Variants in NR1H3 observed in about 807,000 individuals in gnomAD.
NR1H3 encodes oxysterols receptor LXR-alpha.
Under a neutral mutation model 48.1 loss-of-function variants are expected in NR1H3, and 19 were observed. The ratio of observed to expected loss-of-function variants is 0.40; its 90% CI spans 0.28 to 0.58. The LOEUF (loss-of-function observed/expected upper bound fraction) is 0.58, where lower values mean the gene tolerates loss of function less well. NR1H3 is among the 20% of genes least tolerant of loss of function. The pLI, the probability that NR1H3 is intolerant of heterozygous loss-of-function variation, is 0.50. For missense variants in NR1H3, 486 were observed against 595.9 expected (o/e 0.82, Z 1.92); for synonymous variants, 232 against 227.3 (o/e 1.02, Z -0.19).
At chr11:47,268,456 G>T (rs1957443779) in intron 9 of NR1H3, 94 bp from the exon 10 acceptor site, 1 of 1,582,642 alleles carries the variant, frequency 6.3e-7, no homozygotes, top group Non-Finnish European at 8.7e-7. Flanking sequence ...ACTGCATGCT[G>T]TGCAGACAAT....
At chr11:47,252,956 A>G (rs1290235139) in intron 1 of NR1H3, among the ~76,000 whole-genome samples, 1 of 108,634 alleles carries the variant, frequency 9.2e-6, no homozygotes, top group Non-Finnish European at 1.9e-5. Flanking sequence ...CTAAACTTGT[A>G]TTCTTTTTTT....
At position 47,261,274 on chromosome 11, in the gene NR1H3, A is replaced by C. The variant is rs1470808330; in HGVS notation, c.533A>C (p.Lys178Thr). ...VLSEEQIRLK[K>T]LKRQEEEQAH... ...TCAGAAGAACAGATCCGCCTGAAGA[A>C]ACTGAAGCGGCAAGAGGAGGAACAG... The change falls in exon 5 of 10, where the codon AAA (lysine) becomes ACA (threonine). Residue 178 changes from lysine (K) to threonine (T), a missense_variant. By Grantham distance (78) the Lys-to-Thr change is moderately conservative. Coordinates refer to ENST00000441012, the MANE Select transcript of NR1H3 (RefSeq NM_005693.4). The C allele has an allele frequency of 2.5e-6, 4 of 1,613,668 alleles. No homozygotes were observed. In the African/African-American group the frequency reaches 5.3e-5, roughly 22 times the overall value.
In NR1H3 at chr11:47,259,167, G is replaced by A. The variant is rs762104114; in HGVS notation, c.-37-13G>A. The stretch of plus-strand genomic sequence containing the variant: ...CCAGTTCTAGAAGAGTATAATCTGG[G>A]TCCTTCCTGCAGGACAGTGCCTTGG... On this transcript the variant is annotated splice_polypyrimidine_tract_variant and intron_variant, in intron 1 of 9. Coordinates refer to ENST00000441012, the MANE Select transcript of NR1H3 (RefSeq NM_005693.4). 1.9e-6 allele frequency: 3 copies of A among 1,613,962 alleles called. No individual in the cohort carries two copies. The highest frequency in any genetic ancestry group is 3.3e-5 in the Admixed American group (2 of 60,004).
chr11:47,268,233 GCTC>G, intron 8 of NR1H3, 25 bp from the exon 9 acceptor site: 1 of 1,607,014 alleles, frequency 6.2e-7, no homozygotes, highest in Non-Finnish European at 8.5e-7. Flanking sequence ...GGCCAGACCT[GCTC>G]CTCAACTCTC....
At position 47,267,995 on chromosome 11, in the gene NR1H3, C is replaced by T. The variant is rs755627128; in HGVS notation, c.1071C>T (p.Ala357=). ...TGCAACTCAATGATGCCGAGTTTGC[C>T]TTGCTCATTGCTATCAGCATCTTCT... ...NELQLNDAEF[A]LLIAISIFSA... The change falls in exon 8 of 10, where the codon GCC becomes GCT. Residue 357 remains alanine (A), a synonymous_variant. Coordinates refer to ENST00000441012, the MANE Select transcript of NR1H3 (RefSeq NM_005693.4). 2.1e-5 allele frequency: 34 copies of T among 1,613,930 alleles called. 1 individual carries two copies. In the Middle Eastern group the frequency reaches 5.4e-3, roughly 255 times the overall value.
intron 4 of NR1H3, 45 bp downstream of exon 4, chr11:47,260,720 G>A (rs1193083338): frequency 1.3e-6 from 2 of 1,544,226 alleles, no homozygotes; most frequent in African/African-American, 1.4e-5. Flanking sequence ...AGGGGAAAGA[G>A]GGGGCCAGGG....
At chr11:47,248,861 A>G (rs1954354478), upstream of NR1H3, 3 of 1,550,924 alleles carry the variant, frequency 1.9e-6, no homozygotes, top group Non-Finnish European at 2.6e-6. Context: ...GCCCGGACGC[A>G]CCCGTAAGGA....
chr11:47,255,586 T>TC (rs1491325337), upstream of NR1H3, among the ~76,000 whole-genome samples: 24 of 89,026 alleles, frequency 2.7e-4, no homozygotes, highest in African/African-American at 1.0e-3. Context: ...TCTTTCTTTC[T>TC]TTCTTTCTTT....
upstream of NR1H3, chr11:47,248,785 G>A (rs745331375): frequency 6.3e-7 from 1 of 1,593,172 alleles, no homozygotes; most frequent in Non-Finnish European, 8.5e-7. Flanking sequence ...CCGCTTGCCC[G>A]CCATCACCGT....
intron 9 of NR1H3, 94 bp downstream of exon 9, chr11:47,268,449 G>C (rs1488830776): frequency 6.3e-7 from 1 of 1,584,014 alleles, no homozygotes; most frequent in Non-Finnish European, 8.7e-7. Flanking sequence ...CTCTCTGACT[G>C]CATGCTGTGC....
intron 7 of NR1H3, among the ~76,000 whole-genome samples, chr11:47,266,651 T>TC (rs1956510366): frequency 6.6e-6 from 1 of 151,142 alleles, no homozygotes; most frequent in South Asian, 2.1e-4. Flanking sequence ...TTTTTCTTTT[T>TC]TTTTTTTTGA....
At chr11:47,259,395 C>G (rs1955574382) in intron 2 of NR1H3, 136 bp downstream of exon 2, 1 of 1,585,534 alleles carries the variant, frequency 6.3e-7, no homozygotes, top group Non-Finnish European at 8.6e-7. Flanking sequence ...TCGTGCTTGC[C>G]TCCCGCCCAG....
Position 47,260,490 on chromosome 11 carries a change from C to T in NR1H3, c.314C>T (p.Ala105Val), listed in dbSNP as rs1386447864. 4 of 1,614,148 alleles carry T rather than the reference C, an allele frequency of 2.5e-6. No homozygotes were observed. The Admixed American group carries it at 5.0e-5, about 20-fold the overall frequency. ...CTATGCAGCGTGTGTGGGGACAAGG[C>T]CTCGGGCTTCCACTACAATGTTCTG... ...NELCSVCGDKASGFHYNVLSC... is the reference protein window; with the variant it reads ...NELCSVCGDKVSGFHYNVLSC... The change falls in exon 4 of 10, where the codon GCC becomes GTC. Residue 105 changes from alanine to valine, a missense_variant. Ala to Val is a moderately conservative substitution (Grantham distance 64, BLOSUM62 0). Transcript: ENST00000441012.
At position 47,259,235 on chromosome 11, in the gene NR1H3, G is replaced by C; in HGVS notation, c.19G>C (p.Ala7Pro). Reference protein sequence around the residue: MSLWLGAPVPDIPPDSA... With the variant: MSLWLGPPVPDIPPDSA... ...GGAAGAGATGTCCTTGTGGCTGGGG[G>C]CCCCTGTGCCTGACATTCCTCCTGG... The change falls in exon 2 of 10, where the codon GCC (alanine) becomes CCC (proline). Residue 7 changes from alanine to proline, a missense_variant. By Grantham distance (27) the Ala-to-Pro change is conservative. Coordinates refer to ENST00000441012, the MANE Select transcript of NR1H3 (RefSeq NM_005693.4). The C allele has an allele frequency of 6.2e-7, 1 of 1,614,142 alleles. No homozygotes were observed. The highest frequency in any genetic ancestry group is 1.1e-5 in the South Asian group (1 of 91,076).
chr11:47,267,847 G>C, intron 7 of NR1H3, 66 bp from the exon 8 acceptor site: 1 of 1,123,346 alleles, frequency 8.9e-7, no homozygotes, highest in Non-Finnish European at 1.4e-6. Flanking sequence ...AGTTCCCTAA[G>C]GTGAGGAGAG....
At chr11:47,248,409 A>G (rs1954302051), upstream of NR1H3, 2 of 1,526,696 alleles carry the variant, frequency 1.3e-6, no homozygotes, top group Non-Finnish European at 8.8e-7. Context: ...ACAACTGGGG[A>G]AAAAAGATAA....
In NR1H3 at chr11:47,261,622, A is replaced by G. The variant is rs145368305; in HGVS notation, c.784A>G (p.Ile262Val). 1 of 1,614,226 alleles carries G rather than the reference A, an allele frequency of 6.2e-7. No individual in the cohort carries two copies. Among genetic ancestry groups the G allele is most frequent in the Non-Finnish European group, 8.5e-7 (1 of 1,180,036 alleles). ...CTTTGCCCACTTCACTGAGCTGGCC[A>G]TCGTCTCTGTGCAGGAGATAGTTGA... ...QRFAHFTELA[I>V]VSVQEIVDFA... is the part of the protein sequence containing the mutation. Residue 262 changes from isoleucine (I) to valine (V), a missense_variant, in exon 6 of 10, where the codon ATC becomes GTC. Ile to Val is a conservative substitution (Grantham distance 29). Coordinates refer to ENST00000441012, the MANE Select transcript of NR1H3 (RefSeq NM_005693.4).
Position 47,259,782 on chromosome 11 carries a change from G to A in NR1H3, c.44-9G>A, listed in dbSNP as rs367648993. On this transcript the variant is annotated splice_polypyrimidine_tract_variant and intron_variant, in intron 2 of 9. Coordinates refer to ENST00000441012, the MANE Select transcript of NR1H3 (RefSeq NM_005693.4). Reference sequence around the variant, plus strand: ...TGAGACCCCCTTGTGCCTCTCTTTTGGAGCTCAGACTCTGCGGTGGAGCTG... The same window carrying A: ...TGAGACCCCCTTGTGCCTCTCTTTTAGAGCTCAGACTCTGCGGTGGAGCTG... 3 of 1,611,872 alleles carry A rather than the reference G, an allele frequency of 1.9e-6. No homozygotes were observed. The African/African-American group carries it at 4.0e-5, about 22-fold the overall frequency.
intron 7 of NR1H3, among the ~76,000 whole-genome samples, chr11:47,263,849 C>T (rs1009819911): frequency 7.9e-5 from 12 of 152,068 alleles, no homozygotes; most frequent in Admixed American, 3.3e-4. Context: ...GCAATCCGCC[C>T]GCCTTGGCCT....
Sources: allele counts gnomAD v4.1 joint callset (sites outside exome capture counted in the v4.1 genomes callset), GRCh38; gene constraint gnomAD v4.1.1; transcripts MANE v1.5; gene names NCBI Gene and HGNC (gene_info 2026-07-23, HGNC 2026-07-21).